The following SNTG1 variants were observed in gnomAD, a reference collection of about 807,000 sequenced individuals.
The protein encoded by SNTG1 is syntrophin gamma 1.
SNTG1 carries 39 observed loss-of-function variants against 74.7 expected under a neutral mutation model. The observed-to-expected ratio is 0.52, with a 90% confidence interval of 0.40 to 0.68. The LOEUF is 0.68. SNTG1 is among the 30% of genes least tolerant of loss of function. The probability of loss-of-function intolerance (pLI) is 0.00; values close to 1 mark genes in which losing one functional copy is unlikely to be tolerated. For missense variants in SNTG1, 685 were observed against 609.5 expected, an observed-to-expected ratio of 1.12 and a Z score of -1.30; for synonymous variants, 254 against 217.1, an observed-to-expected ratio of 1.17 and a Z score of -1.49.
intron 2 of SNTG1, among the ~76,000 whole-genome samples, chr8:50,289,140 C>T (rs987693876): frequency 1.5e-4 from 23 of 152,098 alleles, no homozygotes; most frequent in Non-Finnish European, 2.9e-4. Flanking sequence ...TATAATAAGC[C>T]TGGGTAGAAG....
intron 12 of SNTG1, among the ~76,000 whole-genome samples, chr8:50,565,326 T>C (rs961610123): frequency 6.6e-6 from 1 of 152,138 alleles, no homozygotes; most frequent in East Asian, 1.9e-4. Flanking sequence ...GTATGGACTT[T>C]CGTTAATATT....
At chr8:50,226,626 C>G (rs1046578981) in intron 2 of SNTG1, among the ~76,000 whole-genome samples, 2 of 151,948 alleles carry the variant, frequency 1.3e-5, no homozygotes, top group Non-Finnish European at 2.9e-5. Context: ...AACCAATTGT[C>G]AACCAGAAAA....
intron 2 of SNTG1, among the ~76,000 whole-genome samples, chr8:50,377,344 C>G (rs892907520): frequency 6.6e-6 from 1 of 152,140 alleles, no homozygotes; most frequent in African/African-American, 2.4e-5. Flanking sequence ...AGTTTAACAA[C>G]TTCGTACATA....
intron 12 of SNTG1, 145 bp from the exon 13 acceptor site, chr8:50,590,734 G>A: frequency 2.0e-6 from 1 of 491,214 alleles, no homozygotes; most frequent in Admixed American, 4.2e-5. Flanking sequence ...GTTTATATAT[G>A]TTGTTTTATA....
chr8:50,484,102 C>CTCTTTCTTTCTTTCTT (rs775691106), intron 8 of SNTG1, among the ~76,000 whole-genome samples: 4,992 of 110,688 alleles, frequency 0.045, 253 homozygotes, highest in East Asian at 0.098. Context: ...CTTTCTTTCT[C>CTCTTTCTTTCTTTCTT]TCTTTCTTTC....
intron 2 of SNTG1, among the ~76,000 whole-genome samples, chr8:50,284,596 T>A (rs1453536181): frequency 6.6e-6 from 1 of 152,154 alleles, no homozygotes; most frequent in Non-Finnish European, 1.5e-5. Context: ...TCCAATTTCA[T>A]CTTGCATATT....
chr8:50,276,163 A>G (rs1053386225), intron 2 of SNTG1, among the ~76,000 whole-genome samples: 1 of 152,152 alleles, frequency 6.6e-6, no homozygotes, highest in Middle Eastern at 3.2e-3. Flanking sequence ...GATTTGCCAC[A>G]GTACAGGCCC....
At chr8:50,047,627 A>C in intron 1 of SNTG1, among the ~76,000 whole-genome samples, 1 of 152,260 alleles carries the variant, frequency 6.6e-6, no homozygotes, top group Admixed American at 6.5e-5. Context: ...TAGTTGTAAG[A>C]CTTAAACAAA....
intron 15 of SNTG1, among the ~76,000 whole-genome samples, chr8:50,683,486 C>T (rs1012297433): frequency 1.3e-5 from 2 of 152,024 alleles, no homozygotes; most frequent in Non-Finnish European, 2.9e-5. Flanking sequence ...CAAAAACTTC[C>T]CCTTTATCTG....
Position 50,285,195 on chromosome 8 carries a change from A to T in SNTG1, c.-27-109017A>T, listed in dbSNP as rs553315017. Among the ~76,000 whole-genome samples, 26 of 152,172 alleles carry T rather than the reference A, an allele frequency of 1.7e-4. No homozygotes were observed. In the South Asian group the frequency reaches 3.5e-3, roughly 21 times the overall value. On this transcript the variant is annotated intron_variant, in intron 2 of 18. Transcript: ENST00000642720. ...GGCCAGCCGCCCTACCTCTCAGAAC[A>T]TTTGTCATTTTTCTCACTATCACCA...
At chr8:50,541,036 G>A (rs2094342724) in intron 11 of SNTG1, among the ~76,000 whole-genome samples, 1 of 151,702 alleles carries the variant, frequency 6.6e-6, no homozygotes, top group African/African-American at 2.4e-5. Context: ...TATATATTTT[G>A]ATTATACATC....
At chr8:50,266,575 A>G (rs2130193728) in intron 2 of SNTG1, among the ~76,000 whole-genome samples, 1 of 151,374 alleles carries the variant, frequency 6.6e-6, no homozygotes, top group Non-Finnish European at 1.5e-5. Context: ...GAATAAATAT[A>G]AATAAATTAA....
At chr8:50,206,593 C>G (rs1203108808) in intron 2 of SNTG1, among the ~76,000 whole-genome samples, 3 of 152,156 alleles carry the variant, frequency 2.0e-5, no homozygotes, top group Non-Finnish European at 2.9e-5. Flanking sequence ...GCCAGAACTT[C>G]CAACACTATT....
intron 1 of SNTG1, among the ~76,000 whole-genome samples, chr8:50,157,535 C>T (rs148439680): frequency 1.0e-3 from 154 of 152,074 alleles, no homozygotes; most frequent in South Asian, 8.7e-3. Flanking sequence ...ACTTATTCTT[C>T]GCATAATTAT....
intron 1 of SNTG1, among the ~76,000 whole-genome samples, chr8:50,084,060 T>C (rs1169461206): frequency 1.3e-5 from 2 of 152,218 alleles, no homozygotes; most frequent in Non-Finnish European, 2.9e-5. Context: ...CCATTCTAAA[T>C]GTAATAGATA....
chr8:50,015,929 T>A (rs1318171566), intron 1 of SNTG1, among the ~76,000 whole-genome samples: 1 of 152,148 alleles, frequency 6.6e-6, no homozygotes, highest in Non-Finnish European at 1.5e-5. Context: ...TTCATTCAAC[T>A]TTTGAAGCAT....
chr8:50,709,078 C>CAT lies in SNTG1; in HGVS notation c.1284+100_1284+101insAT, dbSNP rs377648650. 1.3e-3 allele frequency: 1,081 copies of CAT among 857,004 alleles called. 3 individuals carry two copies. Among genetic ancestry groups the CAT allele is most frequent in the Middle Eastern group, 4.1e-3 (18 of 4,396 alleles). The allele number at this position is 857,004 out of a possible 1,614,324, so 53.1% of individuals were successfully genotyped here. The stretch of plus-strand genomic sequence containing the variant: ...CTCCTTTCAGCATTTTAATTGTAAT[C>CAT]GTGTCAAATTTAAGATCTTCGTTTT... On this transcript the variant is annotated intron_variant, in intron 17 of 18. Coordinates refer to ENST00000642720, the MANE Select transcript of SNTG1 (RefSeq NM_018967.5).
chr8:50,591,682 A>G (rs889084301), intron 13 of SNTG1, among the ~76,000 whole-genome samples: 1 of 152,210 alleles, frequency 6.6e-6, no homozygotes, highest in Non-Finnish European at 1.5e-5. Flanking sequence ...TATGTTTTGT[A>G]GAAATTGTAT....
chr8:50,332,761 CA>C (rs1355127766), intron 2 of SNTG1, among the ~76,000 whole-genome samples: 1 of 152,110 alleles, frequency 6.6e-6, no homozygotes, highest in Non-Finnish European at 1.5e-5. Flanking sequence ...GATTATACAC[CA>C]GTCCTTGGAG....
Sources: gnomAD v4.1 joint callset for allele counts (sites outside exome capture counted in the v4.1 genomes callset) on GRCh38, gnomAD v4.1.1 for gene constraint, MANE v1.5 for transcripts, NCBI Gene and HGNC (gene_info 2026-07-23, HGNC 2026-07-21) for gene names.